The following USP32 variants were observed in gnomAD, a reference collection of about 807,000 sequenced individuals.
USP32 encodes the protein ubiquitin carboxyl-terminal hydrolase 32.
Under a neutral mutation model 204.8 loss-of-function variants are expected in USP32, and 59 were observed. The ratio of observed to expected loss-of-function variants is 0.29; its 90% CI spans 0.23 to 0.36. The LOEUF (loss-of-function observed/expected upper bound fraction) is 0.36. USP32 is among the 10% of genes least tolerant of loss of function. The pLI, the probability that USP32 is intolerant of heterozygous loss-of-function variation, is 1.00. For missense variants in USP32, 1,160 were observed against 1,946.4 expected, an observed-to-expected ratio of 0.60 and a Z score of 7.60; for synonymous variants, 517 against 678.4, an observed-to-expected ratio of 0.76 and a Z score of 3.70.
chr17:60,329,710 C>A (rs1475644545), intron 2 of USP32, among the ~76,000 whole-genome samples: 1 of 152,148 alleles, frequency 6.6e-6, no homozygotes, highest in Non-Finnish European at 1.5e-5. Flanking sequence ...TAGAATACCT[C>A]AGAATATTAC....
intron 11 of USP32, among the ~76,000 whole-genome samples, chr17:60,238,731 G>A (rs983183688): frequency 6.6e-6 from 1 of 151,300 alleles, no homozygotes; most frequent in East Asian, 1.9e-4. Context: ...TTGAACCCAG[G>A]AGGCAGAGTT....
In USP32 at chr17:60,210,938, C is replaced by A. The variant is rs1344363006; in HGVS notation, c.2424+75G>T. 42 of 1,509,280 alleles carry A rather than the reference C, an allele frequency of 2.8e-5. No individual in the cohort carries two copies. In the Middle Eastern group the frequency reaches 5.2e-4, roughly 19 times the overall value. The allele number at this position is 1,509,280 out of a possible 1,614,324, so 93.5% of individuals were successfully genotyped here. On this transcript the variant is annotated intron_variant, in intron 21 of 33. Coordinates refer to ENST00000300896, the MANE Select transcript of USP32 (RefSeq NM_032582.4). Reference sequence around the variant, plus strand: ...ATTTATTAAGTTAAAAGGCTAAACACAAAAAACAAGCAGAGAAAAATGATT... The same window carrying A: ...ATTTATTAAGTTAAAAGGCTAAACAAAAAAAACAAGCAGAGAAAAATGATT...
At chr17:60,253,723 A>G (rs2086226622) in intron 10 of USP32, among the ~76,000 whole-genome samples, 1 of 152,074 alleles carries the variant, frequency 6.6e-6, no homozygotes, top group African/African-American at 2.4e-5. Flanking sequence ...CCCAGATCCC[A>G]ACCACTGCAC....
chr17:60,190,763 T>C, intron 28 of USP32, 80 bp from the exon 29 acceptor site: 11 of 1,538,490 alleles, frequency 7.1e-6, no homozygotes, highest in Non-Finnish European at 7.8e-6. Context: ...ATATTCTCCC[T>C]TCCTACTTTT....
chr17:60,391,511 T>A (rs961126426), intron 1 of USP32, among the ~76,000 whole-genome samples: 2 of 152,078 alleles, frequency 1.3e-5, no homozygotes, highest in Non-Finnish European at 2.9e-5. Context: ...GAGGTTTTTA[T>A]GAAGGAATGA....
At position 60,213,702 on chromosome 17, in the gene USP32, T is replaced by C. The variant is rs371079197; in HGVS notation, c.2023-40A>G. Reference sequence around the variant, plus strand: ...GGAAATGTTTTTGTTATTTGGTTAGTAAACTTGAAACAAATACAGAGATAA... The same window carrying C: ...GGAAATGTTTTTGTTATTTGGTTAGCAAACTTGAAACAAATACAGAGATAA... On this transcript the variant is annotated intron_variant, in intron 17 of 33. Transcript: ENST00000300896. The C allele has an allele frequency of 3.4e-4, 449 of 1,324,078 alleles. 1 individual carries two copies. In the African/African-American group the frequency reaches 6.1e-3, roughly 18 times the overall value. The allele number at this position is 1,324,078 out of a possible 1,614,324, so 82.0% of individuals were successfully genotyped here. A position where few individuals can be genotyped will look rare whatever the true frequency, so the allele number is the denominator to read the frequency against.
In USP32 at chr17:60,181,389, C is replaced by T; in HGVS notation, c.4483G>A (p.Asp1495Asn). 1 of 1,613,978 alleles carries T rather than the reference C, an allele frequency of 6.2e-7. No individual in the cohort carries two copies. Among genetic ancestry groups the T allele is most frequent in the Non-Finnish European group, 8.5e-7 (1 of 1,179,870 alleles). Residue 1495 changes from aspartate (D) to asparagine (N), a missense_variant, in exon 32 of 34, where the codon GAC becomes AAC. Transcript: ENST00000300896. ...NGQLGNHSEEDSTDDQREDTR... is the reference protein window; with the variant it reads ...NGQLGNHSEENSTDDQREDTR... ...TCTTCTCTTTGGTCATCAGTGCTGT[C>T]TTCTTCACTGTGGTTTCCAAGCTGA...
rs544600896 is a variant in USP32, at chr17:60,211,222, G to A, written c.2319-104C>T. 4.0e-3 allele frequency: 5,950 copies of A among 1,504,014 alleles called. 152 individuals carry two copies. The African/African-American group carries it at 0.074, about 19-fold the overall frequency. 93.2% of individuals were successfully genotyped at this position (1,504,014 alleles called of 1,614,324 possible). ...TCACATCAAAATATCTTTTCTTTTT[G>A]AAACAAGAGATGTATTCCTTGGCCT... On this transcript the variant is annotated intron_variant, in intron 20 of 33. Coordinates refer to ENST00000300896, the MANE Select transcript of USP32 (RefSeq NM_032582.4).
Position 60,222,400 on chromosome 17 carries a change from T to C in USP32, c.1749+9A>G. 1.9e-6 allele frequency: 3 copies of C among 1,612,894 alleles called. No homozygotes were observed. Among genetic ancestry groups the C allele is most frequent in the Admixed American group, 1.7e-5 (1 of 59,834 alleles). On this transcript the variant is annotated intron_variant, in intron 15 of 33. Transcript: ENST00000300896. Reference sequence around the variant, plus strand: ...GCTCCTTATATAAGGCACTATTAACTATACTTACTGGTCTAGGTAAGGCCA... The same window carrying C: ...GCTCCTTATATAAGGCACTATTAACCATACTTACTGGTCTAGGTAAGGCCA...
In USP32 at chr17:60,183,431, T is replaced by C; in HGVS notation, c.3857A>G (p.Gln1286Arg). The stretch of plus-strand genomic sequence containing the variant: ...TTTTATCCACCGACCATTTACAAAT[T>C]GAAATCGCTTAAGGTGAATAATCTG... ...PILIIHLKRF[Q>R]FVNGRWIKSQ... The change falls in exon 31 of 34, where the codon CAA (glutamine) becomes CGA (arginine). Residue 1286 changes from glutamine to arginine, a missense_variant. Gln to Arg is a conservative substitution (Grantham distance 43). Transcript: ENST00000300896. The C allele has an allele frequency of 6.2e-7, 1 of 1,610,922 alleles. No homozygotes were observed. The highest frequency in any genetic ancestry group is 8.5e-7 in the Non-Finnish European group (1 of 1,177,958).
intron 32 of USP32, 94 bp from the exon 33 acceptor site, chr17:60,180,731 G>A (rs1257360971): frequency 2.5e-6 from 3 of 1,222,784 alleles, no homozygotes; most frequent in Non-Finnish European, 3.5e-6. Context: ...CACTGATCAT[G>A]TAAATGATCA....
chr17:60,205,123 C>T (rs1049894970), intron 26 of USP32, among the ~76,000 whole-genome samples: 22 of 152,164 alleles, frequency 1.4e-4, no homozygotes, highest in Non-Finnish European at 2.6e-4. Flanking sequence ...GAAAGTAGTA[C>T]TCAGATGCAC....
At chr17:60,244,318 A>C (rs1567797785) in intron 11 of USP32, among the ~76,000 whole-genome samples, 3 of 152,050 alleles carry the variant, frequency 2.0e-5, no homozygotes, top group Admixed American at 6.6e-5. Context: ...GTGCCCAGCC[A>C]AGTAGCTAGA....
chr17:60,201,656 G>A (rs146901167), intron 26 of USP32, among the ~76,000 whole-genome samples: 2 of 150,276 alleles, frequency 1.3e-5, no homozygotes, highest in Non-Finnish European at 3.0e-5. Context: ...TAGTGTCGTT[G>A]ATCATTTTTT....
upstream of USP32, among the ~76,000 whole-genome samples, chr17:60,395,031 AC>A (rs2089891314): frequency 1.3e-5 from 2 of 152,186 alleles, no homozygotes; most frequent in East Asian, 3.8e-4. Context: ...GGCACGAGCC[AC>A]CACGCCTGGG....
chr17:60,421,249 C>A, intron 1 of USP32: 1 of 633,428 alleles, frequency 1.6e-6, no homozygotes, highest in Non-Finnish European at 2.0e-6. Context: ...CCCCTTACAA[C>A]AACAACAACG....
chr17:60,284,736 G>A (rs2087066365), intron 5 of USP32, among the ~76,000 whole-genome samples: 2 of 152,078 alleles, frequency 1.3e-5, no homozygotes, highest in South Asian at 4.1e-4. Flanking sequence ...AACTGACAAA[G>A]CTCCTTGACC....
chr17:60,288,849 A>G (rs1231031476), intron 4 of USP32, among the ~76,000 whole-genome samples, 167 bp from the exon 5 acceptor site: 1 of 152,238 alleles, frequency 6.6e-6, no homozygotes, highest in African/African-American at 2.4e-5. Context: ...TGGAAATCAA[A>G]CTTTTCAAAA....
At chr17:60,233,921 G>A (rs571148823) in intron 12 of USP32, among the ~76,000 whole-genome samples, 1 of 152,012 alleles carries the variant, frequency 6.6e-6, no homozygotes, top group African/African-American at 2.4e-5. Context: ...TCTCCTCCCA[G>A]GTTTATTGTA....
Sources: allele counts gnomAD v4.1 joint callset (sites outside exome capture counted in the v4.1 genomes callset), GRCh38; gene constraint gnomAD v4.1.1; transcripts MANE v1.5; gene names NCBI Gene and HGNC (gene_info 2026-07-23, HGNC 2026-07-21).